Variants in PFKFB3 observed in about 807,000 individuals in gnomAD.
PFKFB3 encodes the protein 6-phosphofructo-2-kinase/fructose-2,6-biphosphatase 3, also known as 6-phosphofructo-2-kinase/fructose-2,6-bisphosphatase 3.
In PFKFB3, 33 loss-of-function variants were observed where a neutral mutation model predicts 68.0. The observed-to-expected ratio is 0.49, with a 90% CI of 0.37 to 0.65. The LOEUF is 0.65. Among genes scored for constraint, PFKFB3 ranks in the 30% least tolerant of loss-of-function variants. The pLI, the probability that PFKFB3 is intolerant of heterozygous loss-of-function variation, is 0.00. For synonymous variants in PFKFB3, 315 were observed against 288.2 expected (o/e 1.09, Z -0.94); for missense variants, 586 against 712.2 (o/e 0.82, Z 2.02).
intron 6 of PFKFB3, among the ~76,000 whole-genome samples, chr10:6,219,253 G>A (rs898579770): frequency 4.6e-5 from 7 of 152,256 alleles, no homozygotes; most frequent in African/African-American, 1.4e-4. Flanking sequence ...GCGCCAGGCT[G>A]TCTGGCGGTG....
chr10:6,144,986 G>GC, exon 1 of PFKFB3: 3 of 1,301,932 alleles, frequency 2.3e-6, no homozygotes, highest in South Asian at 2.2e-5. Context: ...CGCGGGGAGC[G>GC]CCCCCGGCGC....
chr10:6,303,474 A>C, the PFKFB3 span, among the ~76,000 whole-genome samples: 3 of 152,350 alleles, frequency 2.0e-5, no homozygotes, highest in African/African-American at 7.2e-5. Context: ...GTTTAAAAAA[A>C]AATGACAATC....
intron 13 of PFKFB3, 141 bp downstream of exon 13, chr10:6,224,354 A>G (rs976037856): frequency 1.4e-6 from 1 of 716,276 alleles, no homozygotes; most frequent in Non-Finnish European, 2.4e-6. Flanking sequence ...TGCCTTCCTC[A>G]GCACCTCTTT....
At chr10:6,259,593 T>C (rs368774431), downstream of PFKFB3, among the ~76,000 whole-genome samples, 10 of 20,206 alleles carry the variant, frequency 4.9e-4, no homozygotes, top group Non-Finnish European at 2.1e-3. Context: ...CATCCATCCA[T>C]CCATCCATCC....
the PFKFB3 span, among the ~76,000 whole-genome samples, chr10:6,304,811 A>G: frequency 1.5e-5 from 2 of 136,662 alleles, no homozygotes; most frequent in Admixed American, 7.7e-5. Flanking sequence ...ATGAGCCACT[A>G]TCTCTTACTA....
At chr10:6,166,818 CTTCTTTTTTT>C (rs1564593195) in intron 1 of PFKFB3, among the ~76,000 whole-genome samples, 5 of 129,764 alleles carry the variant, frequency 3.9e-5, no homozygotes, top group Admixed American at 8.6e-5. Context: ...AGCCCTTCTT[CTTCTTTTTTT>C]TTTTTTTTTT....
chr10:6,231,756 T>G (rs1299367397), intron 14 of PFKFB3, among the ~76,000 whole-genome samples: 1 of 151,424 alleles, frequency 6.6e-6, no homozygotes, highest in Non-Finnish European at 1.5e-5. Context: ...CCATCATCCT[T>G]CGGCGGGCAC....
intron 1 of PFKFB3, among the ~76,000 whole-genome samples, chr10:6,183,931 C>G (rs887580217): frequency 6.6e-6 from 1 of 151,508 alleles, no homozygotes; most frequent in African/African-American, 2.4e-5. Flanking sequence ...ACCTCGTGAT[C>G]CACCCGCCTC....
intron 1 of PFKFB3, among the ~76,000 whole-genome samples, chr10:6,170,131 TC>T (rs1842262291): frequency 1.3e-5 from 2 of 152,172 alleles, no homozygotes; most frequent in African/African-American, 4.8e-5. Context: ...ACGATGGTTT[TC>T]CTTTTAAGCA....
intron 4 of PFKFB3, 73 bp downstream of exon 4, chr10:6,216,264 A>T (rs985743078): frequency 7.2e-7 from 1 of 1,381,190 alleles, no homozygotes; most frequent in East Asian, 2.3e-5. Context: ...CCTGGGGTGT[A>T]CCGAGACCTG....
chr10:6,155,725 C>T (rs1275899385), intron 1 of PFKFB3, among the ~76,000 whole-genome samples: 1 of 152,144 alleles, frequency 6.6e-6, no homozygotes, highest in Non-Finnish European at 1.5e-5. Flanking sequence ...TCCATATTTC[C>T]CCGGTTTCAA....
At chr10:6,259,050 G>T (rs1487318143), downstream of PFKFB3, among the ~76,000 whole-genome samples, 37 of 152,094 alleles carry the variant, frequency 2.4e-4, no homozygotes, top group Non-Finnish European at 4.4e-5. Flanking sequence ...TCTTGTTTCA[G>T]TTCATCTATC....
the PFKFB3 span, among the ~76,000 whole-genome samples, chr10:6,265,494 C>G: frequency 6.6e-6 from 1 of 152,108 alleles, no homozygotes; most frequent in Non-Finnish European, 1.5e-5. Context: ...TCATGTTTCT[C>G]CACTATTATG....
intron 1 of PFKFB3, among the ~76,000 whole-genome samples, chr10:6,148,005 G>A (rs1168610510): frequency 6.6e-6 from 1 of 152,250 alleles, no homozygotes; most frequent in Non-Finnish European, 1.5e-5. Context: ...GCTACTGAAT[G>A]TAGTTATGGG....
At chr10:6,314,650 C>T in the PFKFB3 span, among the ~76,000 whole-genome samples, 10 of 151,600 alleles carry the variant, frequency 6.6e-5, no homozygotes, top group African/African-American at 9.7e-5. Flanking sequence ...CTGTTAAGAA[C>T]CATACCTGTG....
chr10:6,192,264 A>T (rs667449), intron 1 of PFKFB3, among the ~76,000 whole-genome samples: 117,770 of 151,558 alleles, frequency 0.78, 46,469 homozygotes, highest in Non-Finnish European at 0.84. Context: ...ATTCTCTCAT[A>T]TGAACCCTAC....
Position 6,228,214 on chromosome 10 carries a change from T to G in PFKFB3, c.1515+1849T>G. ...TCCGCAGCCTTTGCTAGGGCAAGCCTGTCTGTAAGTATCTCTCCGATCATC... is the reference window on the plus strand; with the variant it reads ...TCCGCAGCCTTTGCTAGGGCAAGCCGGTCTGTAAGTATCTCTCCGATCATC... On this transcript the variant is annotated intron_variant, in intron 14 of 14. Coordinates refer to ENST00000379775, the MANE Select transcript of PFKFB3 (RefSeq NM_004566.4). This position sits in a 1 kb window ranked among gnomAD's most constrained non-coding sequence, Gnocchi z 4.5. The G allele has an allele frequency of 6.2e-7, 1 of 1,612,794 alleles. No individual in the cohort carries two copies. Among genetic ancestry groups the G allele is most frequent in the South Asian group, 1.1e-5 (1 of 91,084 alleles).
chr10:6,290,801 G>T, the PFKFB3 span, among the ~76,000 whole-genome samples: 2 of 152,094 alleles, frequency 1.3e-5, no homozygotes, highest in African/African-American at 4.8e-5. Flanking sequence ...ACCACGCCTG[G>T]CCTGTCTTTG....
At chr10:6,216,499 G>A (rs1166861284) in intron 4 of PFKFB3, among the ~76,000 whole-genome samples, 2 of 152,124 alleles carry the variant, frequency 1.3e-5, no homozygotes, top group Non-Finnish European at 2.9e-5. Context: ...TTTCCCCCAC[G>A]CTACCACCCC....
Sources: allele counts gnomAD v4.1 joint callset (sites outside exome capture counted in the v4.1 genomes callset), GRCh38; gene constraint gnomAD v4.1.1; non-coding constraint Gnocchi (gnomAD v3.1); transcripts MANE v1.5; gene names NCBI Gene and HGNC (gene_info 2026-07-23, HGNC 2026-07-21).